NRCAM: variants seen among roughly 807,000 people sequenced by gnomAD.
NRCAM encodes the protein neuronal cell adhesion molecule, also known as NgCAM-related cell adhesion molecule.
NRCAM carries 83 observed loss-of-function variants against 156.5 expected under a neutral mutation model. The ratio of observed to expected loss-of-function variants is 0.53; its 90% CI spans 0.44 to 0.64. NRCAM has a LOEUF of 0.64. Among genes scored for constraint, NRCAM ranks in the 30% least tolerant of loss-of-function variants. The pLI is 0.00. For missense variants in NRCAM, 1,417 were observed against 1,597.3 expected, an observed-to-expected ratio of 0.89 and a Z score of 1.92; for synonymous variants, 538 against 563.9, an observed-to-expected ratio of 0.95 and a Z score of 0.65.
intron 2 of NRCAM, among the ~76,000 whole-genome samples, chr7:108,331,317 C>T (rs1443360935): frequency 6.6e-6 from 1 of 152,018 alleles, no homozygotes; most frequent in Non-Finnish European, 1.5e-5. Flanking sequence ...AGGAGGATCC[C>T]TTGAGCCCAG....
intron 1 of NRCAM, among the ~76,000 whole-genome samples, chr7:108,424,754 A>G (rs1454557639): frequency 6.6e-6 from 1 of 152,232 alleles, no homozygotes; most frequent in African/African-American, 2.4e-5. Context: ...TCTTTAAAAC[A>G]TGTATAATTA....
At chr7:108,363,282 C>CT (rs946024791) in intron 2 of NRCAM, among the ~76,000 whole-genome samples, 33 of 151,092 alleles carry the variant, frequency 2.2e-4, no homozygotes, top group South Asian at 8.4e-4. Flanking sequence ...CCACTATTTC[C>CT]TTTTTTTTTG....
At chr7:108,222,824 T>A (rs1240461393) in intron 11 of NRCAM, among the ~76,000 whole-genome samples, 9 of 152,158 alleles carry the variant, frequency 5.9e-5, no homozygotes, top group African/African-American at 2.2e-4. Flanking sequence ...GATGCGCCCA[T>A]ACCAATGGTG....
At chr7:108,160,651 G>A (rs1003763363) in intron 30 of NRCAM, among the ~76,000 whole-genome samples, 159 bp from the exon 31 acceptor site, 17 of 152,232 alleles carry the variant, frequency 1.1e-4, no homozygotes, top group African/African-American at 3.6e-4. Flanking sequence ...GGAATTATAT[G>A]AATAATTAAC....
At chr7:108,371,951 T>G (rs1391401223) in intron 2 of NRCAM, among the ~76,000 whole-genome samples, 1 of 152,142 alleles carries the variant, frequency 6.6e-6, no homozygotes, top group African/African-American at 2.4e-5. Flanking sequence ...GGCATCACAC[T>G]TCCTGATTTC....
At chr7:108,402,380 A>C (rs1259984347) in intron 1 of NRCAM, among the ~76,000 whole-genome samples, 3 of 152,266 alleles carry the variant, frequency 2.0e-5, no homozygotes, top group Non-Finnish European at 2.9e-5. Flanking sequence ...ATGCAAAAGC[A>C]TTACTGTTTC....
At chr7:108,270,704 T>C (rs1266435661) in intron 3 of NRCAM, among the ~76,000 whole-genome samples, 19 of 152,218 alleles carry the variant, frequency 1.2e-4, no homozygotes, top group Admixed American at 1.2e-3. Context: ...AGTGGGAAAT[T>C]ATTCAGCCTT....
chr7:108,448,471 T>C (rs906044953), intron 1 of NRCAM, among the ~76,000 whole-genome samples: 2 of 152,334 alleles, frequency 1.3e-5, no homozygotes, highest in Non-Finnish European at 1.5e-5. Context: ...GAAAGCAAAA[T>C]TTGGTGATGT....
intron 1 of NRCAM, among the ~76,000 whole-genome samples, chr7:108,454,671 G>A (rs1039439734): frequency 2.0e-5 from 3 of 152,156 alleles, no homozygotes; most frequent in African/African-American, 7.2e-5. Context: ...CCATAAAGCA[G>A]CCCAGCCTCC....
chr7:108,396,218 A>G (rs2099776480), intron 2 of NRCAM, among the ~76,000 whole-genome samples: 1 of 152,174 alleles, frequency 6.6e-6, no homozygotes, highest in Non-Finnish European at 1.5e-5. Flanking sequence ...AAACAGGGAG[A>G]AATATTCTTT....
In NRCAM at chr7:108,164,547, C is replaced by CCAGCGGGAGGAGAGGAGAG. The variant is rs145160841; in HGVS notation, c.3466+2373_3466+2374insCTCTCCTCTCCTCCCGCTG. Reference sequence around the variant, plus strand: ...TATTGACATCCTTACACCGCGGAACCGAGAGGAGAGGAGAGGAGAGGAGAG... The same window carrying CCAGCGGGAGGAGAGGAGAG: ...TATTGACATCCTTACACCGCGGAACCCAGCGGGAGGAGAGGAGAGGAGAGGAGAGGAGAGGAGAGGAGAG... On this transcript the variant is annotated intron_variant, in intron 30 of 32. Coordinates refer to ENST00000379028, the MANE Select transcript of NRCAM (RefSeq NM_001037132.4). 4.8e-3 allele frequency among the ~76,000 whole-genome samples: 696 copies of CCAGCGGGAGGAGAGGAGAG among 145,856 alleles called. 14 individuals carry two copies. Among genetic ancestry groups the CCAGCGGGAGGAGAGGAGAG allele is most frequent in the African/African-American group, 0.016 (621 of 37,686 alleles).
At chr7:108,331,514 T>C (rs1199130094) in intron 2 of NRCAM, among the ~76,000 whole-genome samples, 1 of 152,234 alleles carries the variant, frequency 6.6e-6, no homozygotes. Flanking sequence ...ATATTTGCCC[T>C]TGTGCCTCAG....
At chr7:108,425,029 AG>A (rs1405272497) in intron 1 of NRCAM, among the ~76,000 whole-genome samples, 9 of 152,170 alleles carry the variant, frequency 5.9e-5, no homozygotes, top group Non-Finnish European at 1.2e-4. Flanking sequence ...ACATTCAATT[AG>A]TGCCTTAGGA....
intron 1 of NRCAM, among the ~76,000 whole-genome samples, chr7:108,435,271 C>G (rs1830671601): frequency 1.3e-5 from 2 of 152,104 alleles, no homozygotes; most frequent in Non-Finnish European, 2.9e-5. Flanking sequence ...ATGAAAATTT[C>G]TCTACAGGCA....
chr7:108,335,481 G>GTGGC (rs1469030036), intron 2 of NRCAM, among the ~76,000 whole-genome samples: 10 of 111,594 alleles, frequency 9.0e-5, no homozygotes, highest in East Asian at 3.2e-4. Flanking sequence ...GCAAAGACAA[G>GTGGC]TGGCTGGCTG....
At chr7:108,163,558 C>T (rs2050805496) in intron 30 of NRCAM, among the ~76,000 whole-genome samples, 1 of 152,138 alleles carries the variant, frequency 6.6e-6, no homozygotes, top group African/African-American at 2.4e-5. Context: ...TTGGAGACAA[C>T]TGACAAAAAA....
chr7:108,265,185 C>T (rs2097052131), intron 3 of NRCAM, among the ~76,000 whole-genome samples: 1 of 152,194 alleles, frequency 6.6e-6, no homozygotes. Flanking sequence ...GGCACATTCC[C>T]AGCTGTCCCT....
At chr7:108,194,860 G>C (rs2074053202) in intron 15 of NRCAM, among the ~76,000 whole-genome samples, 1 of 152,186 alleles carries the variant, frequency 6.6e-6, no homozygotes, top group Non-Finnish European at 1.5e-5. Context: ...CTGAGCCATT[G>C]CTCATCCATC....
chr7:108,368,855 C>A (rs1282355835), intron 2 of NRCAM, among the ~76,000 whole-genome samples: 1 of 152,072 alleles, frequency 6.6e-6, no homozygotes, highest in African/African-American at 2.4e-5. Flanking sequence ...CTTACATGGG[C>A]AACTAATCAT....
Sources: allele counts gnomAD v4.1 joint callset (sites outside exome capture counted in the v4.1 genomes callset), GRCh38; gene constraint gnomAD v4.1.1; transcripts MANE v1.5; gene names NCBI Gene and HGNC (gene_info 2026-07-23, HGNC 2026-07-21).